ACTR3B: variants seen among roughly 807,000 people sequenced by gnomAD.
ACTR3B encodes actin related protein 3B.
ACTR3B carries 8 observed loss-of-function variants against 59.0 expected under a neutral mutation model. The observed-to-expected ratio is 0.14, with a 90% CI of 0.08 to 0.24. The LOEUF (loss-of-function observed/expected upper bound fraction) is 0.24, where lower values mean the gene tolerates loss of function less well. Ranked by LOEUF, ACTR3B falls within the 10% of genes least tolerant of loss-of-function variation. The pLI is 1.00. For missense variants in ACTR3B, 245 were observed against 552.3 expected (o/e 0.44, Z 5.58); for synonymous variants, 148 against 197.9 (o/e 0.75, Z 2.12).
intron 1 of ACTR3B, among the ~76,000 whole-genome samples, chr7:152,778,683 T>TA (rs1028203586): frequency 1.3e-5 from 2 of 151,896 alleles, no homozygotes; most frequent in Non-Finnish European, 2.9e-5. Context: ...CTCACACCTA[T>TA]AATCCTAGCA....
intron 1 of ACTR3B, among the ~76,000 whole-genome samples, chr7:152,774,710 C>T (rs2098132402): frequency 6.6e-6 from 1 of 151,956 alleles, no homozygotes; most frequent in African/African-American, 2.4e-5. Flanking sequence ...AATTTAAGGA[C>T]AGGCAAAGAT....
intron 2 of ACTR3B, among the ~76,000 whole-genome samples, chr7:152,798,922 A>T (rs1280001779): frequency 6.6e-6 from 1 of 152,196 alleles, no homozygotes; most frequent in Non-Finnish European, 1.5e-5. Flanking sequence ...GAAGTCAGGT[A>T]GTGCGATCCC....
At chr7:152,792,605 G>A (rs1784089039) in intron 2 of ACTR3B, among the ~76,000 whole-genome samples, 1 of 151,922 alleles carries the variant, frequency 6.6e-6, no homozygotes, top group Admixed American at 6.6e-5. Context: ...AAATTAGCTG[G>A]GTGTGGTGGC....
At chr7:152,831,699 T>G (rs1031146905) in intron 9 of ACTR3B, among the ~76,000 whole-genome samples, 1 of 152,302 alleles carries the variant, frequency 6.6e-6, no homozygotes, top group Admixed American at 6.5e-5. Context: ...AGGATCTGTG[T>G]GCAGCACTAG....
chr7:152,777,436 A>T (rs1417154835), intron 1 of ACTR3B, among the ~76,000 whole-genome samples: 1 of 152,192 alleles, frequency 6.6e-6, no homozygotes, highest in African/African-American at 2.4e-5. Flanking sequence ...TAGGAGTAAT[A>T]GCTTATTCAT....
chr7:152,793,910 G>A (rs1010822301), intron 2 of ACTR3B, among the ~76,000 whole-genome samples: 1 of 151,904 alleles, frequency 6.6e-6, no homozygotes, highest in Non-Finnish European at 1.5e-5. Context: ...TTTGGCCTTT[G>A]TTGACACTCA....
intron 5 of ACTR3B, among the ~76,000 whole-genome samples, chr7:152,816,003 G>A (rs987788460): frequency 4.4e-4 from 67 of 151,458 alleles, no homozygotes; most frequent in African/African-American, 1.6e-3. Flanking sequence ...CTGGAGTGCA[G>A]TGGTGCAATT....
At chr7:152,822,507 C>T (rs958821596) in intron 7 of ACTR3B, among the ~76,000 whole-genome samples, 3 of 152,094 alleles carry the variant, frequency 2.0e-5, no homozygotes, top group Admixed American at 6.5e-5. Context: ...CGACTTCTCT[C>T]GCAGCAGCAG....
chr7:152,826,574 C>G (rs1381234827), intron 9 of ACTR3B, among the ~76,000 whole-genome samples: 1 of 152,182 alleles, frequency 6.6e-6, no homozygotes, highest in Non-Finnish European at 1.5e-5. Flanking sequence ...AGAAAGCTAG[C>G]GGGTCATGTC....
chr7:152,822,562 C>G (rs1376547111), intron 7 of ACTR3B, among the ~76,000 whole-genome samples: 3 of 152,222 alleles, frequency 2.0e-5, no homozygotes, highest in African/African-American at 7.2e-5. Flanking sequence ...TCTGCTTTTC[C>G]TTTCTTCCCC....
At chr7:152,807,497 T>C (rs1474778822) in intron 4 of ACTR3B, among the ~76,000 whole-genome samples, 2 of 152,094 alleles carry the variant, frequency 1.3e-5, no homozygotes. Flanking sequence ...CATACAGTTT[T>C]TCCTGTATTT....
chr7:152,803,420 A>ACAAATCAC lies in ACTR3B; in HGVS notation c.336+1689_336+1690insCAAATCAC, dbSNP rs531904621. ...TGAGTGGCTTTGTCTTTACAGCCAA[A>ACAAATCAC]ACAAATCACAGATTCCCACCTGTCA... On this transcript the variant is annotated intron_variant, in intron 4 of 11. Transcript: ENST00000256001. 3.4e-4 allele frequency among the ~76,000 whole-genome samples: 52 copies of ACAAATCAC among 152,314 alleles called. No individual in the cohort carries two copies. In the South Asian group the frequency reaches 0.011, roughly 32 times the overall value.
At chr7:152,811,471 A>G (rs935638009) in intron 4 of ACTR3B, 9 of 152,130 alleles carry the variant, frequency 5.9e-5, no homozygotes, top group East Asian at 3.9e-4. Flanking sequence ...TCGGACTGGT[A>G]TGGCATGCTA....
chr7:152,805,109 TG>T (rs202216140), intron 4 of ACTR3B, among the ~76,000 whole-genome samples: 1,767 of 151,446 alleles, frequency 0.012, 34 homozygotes, highest in African/African-American at 0.041. Flanking sequence ...TACAGTTGGT[TG>T]GGGTAAGTTA....
rs79778401 is a variant in ACTR3B at position 152,801,104 on chromosome 7, A to C, written c.225+449A>C. Among the ~76,000 whole-genome samples the C allele has an allele frequency of 5.1e-4, 78 of 152,294 alleles. No homozygotes were observed. In the East Asian group the frequency reaches 0.011, roughly 21 times the overall value. ...TTTTTGTTGTTGTTTTTTTAGAGAT[A>C]GGTCTTACTCTGTCATCCAGGCTGG... is the stretch of plus-strand genomic sequence containing the variant. On this transcript the variant is annotated intron_variant, in intron 3 of 11. Transcript: ENST00000256001.
chr7:152,849,089 G>A (rs541592578), intron 9 of ACTR3B, among the ~76,000 whole-genome samples: 3 of 152,204 alleles, frequency 2.0e-5, no homozygotes, highest in South Asian at 2.1e-4. Flanking sequence ...ACGTGACAGC[G>A]GTTTCCTTGG....
intron 1 of ACTR3B, among the ~76,000 whole-genome samples, chr7:152,769,341 G>A (rs1242824599): frequency 6.6e-6 from 1 of 152,154 alleles, no homozygotes; most frequent in Non-Finnish European, 1.5e-5. Flanking sequence ...TGTTGATTTA[G>A]CATATCAAGT....
chr7:152,823,704 T>C (rs1796363706), intron 8 of ACTR3B, among the ~76,000 whole-genome samples, 189 bp downstream of exon 8: 1 of 152,194 alleles, frequency 6.6e-6, no homozygotes. Context: ...GCTGGTTATC[T>C]GTTTTAATAG....
At chr7:152,763,591 CTT>C (rs1341315902) in intron 1 of ACTR3B, among the ~76,000 whole-genome samples, 1 of 151,796 alleles carries the variant, frequency 6.6e-6, no homozygotes, top group African/African-American at 2.4e-5. Context: ...GCCCGGCTAA[CTT>C]TTTGTATTTT....
Sources: gnomAD v4.1 joint callset for allele counts (sites outside exome capture counted in the v4.1 genomes callset) on GRCh38, gnomAD v4.1.1 for gene constraint, MANE v1.5 for transcripts, NCBI Gene and HGNC (gene_info 2026-07-23, HGNC 2026-07-21) for gene names.